Variants in S100Z observed in about 807,000 individuals in gnomAD.
S100Z encodes protein S100-Z.
In S100Z, 11 loss-of-function variants were observed where a neutral mutation model predicts 8.5. That is an observed-to-expected ratio of 1.30 (90% confidence interval 0.82 to 2.15). The LOEUF (loss-of-function observed/expected upper bound fraction) is 2.15. Ranked by LOEUF, S100Z falls within the 30% of genes most tolerant of loss-of-function variation. S100Z has a pLI of 0.00. For synonymous variants in S100Z, 34 were observed against 43.8 expected (o/e 0.78, Z 0.89); for missense variants, 126 against 117.9 (o/e 1.07, Z -0.32).
chr5:76,938,756 A>G, the S100Z span, among the ~76,000 whole-genome samples: 1 of 152,126 alleles, frequency 6.6e-6, no homozygotes, highest in Non-Finnish European at 1.5e-5. Flanking sequence ...ATTTTTATGT[A>G]TGGTGTGAAG....
chr5:76,916,539 A>G (rs1370522033), intron 4 of S100Z, among the ~76,000 whole-genome samples: 1 of 152,012 alleles, frequency 6.6e-6, no homozygotes, highest in Non-Finnish European at 1.5e-5. Flanking sequence ...GGCCAAAAAA[A>G]AAAAAAAAAA....
At chr5:76,863,148 T>TA (rs1751114841) in intron 1 of S100Z, among the ~76,000 whole-genome samples, 1 of 152,172 alleles carries the variant, frequency 6.6e-6, no homozygotes, top group Non-Finnish European at 1.5e-5. Flanking sequence ...TGGGGTGAAT[T>TA]ATCTAAACCT....
At chr5:76,863,391 A>G (rs546897573) in intron 1 of S100Z, among the ~76,000 whole-genome samples, 1 of 152,356 alleles carries the variant, frequency 6.6e-6, no homozygotes, top group Non-Finnish European at 1.5e-5. Context: ...ATTTAGCCCA[A>G]GGTTGTCATT....
At chr5:76,857,056 G>A (rs562883549) in intron 1 of S100Z, among the ~76,000 whole-genome samples, 1 of 152,276 alleles carries the variant, frequency 6.6e-6, no homozygotes, top group East Asian at 1.9e-4. Context: ...CACTTTGGGA[G>A]GCCAAGGCAG....
the S100Z span, among the ~76,000 whole-genome samples, chr5:76,944,794 G>A: frequency 2.0e-5 from 3 of 152,292 alleles, no homozygotes; most frequent in African/African-American, 7.2e-5. Flanking sequence ...CTGATGTTAC[G>A]TGCCCATGCG....
chr5:76,926,922 C>T, the S100Z span, among the ~76,000 whole-genome samples: 92,354 of 152,030 alleles, frequency 0.61, 28,571 homozygotes, highest in Non-Finnish European at 0.65. Flanking sequence ...TTCCTGTCTT[C>T]AATTTCCTTC....
the S100Z span, among the ~76,000 whole-genome samples, chr5:76,938,093 CAAAAAACAAAAAATAAACA>C: frequency 3.3e-4 from 30 of 91,808 alleles, no homozygotes; most frequent in South Asian, 0.018. Context: ...GACTCTGTCT[CAAAAAACAAAAAATAAACA>C]AAAAAACAAA....
intron 1 of S100Z, among the ~76,000 whole-genome samples, chr5:76,864,357 C>G (rs1384332082): frequency 6.9e-6 from 1 of 144,716 alleles, no homozygotes; most frequent in Non-Finnish European, 1.5e-5. Context: ...TGATAATAAA[C>G]AGCTATGTTA....
intron 4 of S100Z, among the ~76,000 whole-genome samples, chr5:76,914,163 G>A (rs757332706): frequency 6.6e-6 from 1 of 152,018 alleles, no homozygotes; most frequent in Non-Finnish European, 1.5e-5. Flanking sequence ...TACAACTGCA[G>A]GGCTCCTTCT....
chr5:76,869,551 G>A (rs146075369), intron 1 of S100Z, among the ~76,000 whole-genome samples: 21 of 152,202 alleles, frequency 1.4e-4, no homozygotes, highest in African/African-American at 4.8e-4. Context: ...AGGAGCGTGG[G>A]TGTTGATTTG....
chr5:76,938,295 G>A, the S100Z span, among the ~76,000 whole-genome samples: 1 of 152,174 alleles, frequency 6.6e-6, no homozygotes, highest in African/African-American at 2.4e-5. Flanking sequence ...GTAGGTAAGA[G>A]AATTTCTTTA....
intron 1 of S100Z, among the ~76,000 whole-genome samples, chr5:76,856,512 C>T (rs1293694474): frequency 6.6e-6 from 1 of 152,214 alleles, no homozygotes; most frequent in African/African-American, 2.4e-5. Flanking sequence ...ACCTTCTTTT[C>T]TTACAAATTA....
intron 1 of S100Z, among the ~76,000 whole-genome samples, chr5:76,857,458 G>C (rs1381470929): frequency 6.6e-6 from 1 of 151,212 alleles, no homozygotes; most frequent in Non-Finnish European, 1.5e-5. Flanking sequence ...TGTCAGAACT[G>C]TCTTGGGTAG....
At chr5:76,877,619 A>G (rs1743242987) in intron 3 of S100Z, 55 bp from the exon 4 acceptor site, 6 of 1,025,436 alleles carry the variant, frequency 5.9e-6, no homozygotes, top group African/African-American at 4.8e-5. Context: ...ATGAATTTCA[A>G]TTGTCATCAT....
At chr5:76,852,117 G>A (rs1750747527) in intron 1 of S100Z, among the ~76,000 whole-genome samples, 1 of 151,836 alleles carries the variant, frequency 6.6e-6, no homozygotes, top group South Asian at 2.1e-4. Flanking sequence ...TGGCAACGAT[G>A]ATCTGGGTCT....
intron 1 of S100Z, among the ~76,000 whole-genome samples, chr5:76,861,098 G>T (rs191378770): frequency 6.6e-6 from 1 of 152,262 alleles, no homozygotes; most frequent in Admixed American, 6.5e-5. Flanking sequence ...GAGTTGTTTG[G>T]TTATGGCTCT....
At chr5:76,866,425 T>C (rs924770748) in intron 1 of S100Z, among the ~76,000 whole-genome samples, 1 of 152,166 alleles carries the variant, frequency 6.6e-6, no homozygotes, top group Non-Finnish European at 1.5e-5. Flanking sequence ...AGCCTAACTG[T>C]ACAATGTTTA....
chr5:76,946,219 T>C, the S100Z span, among the ~76,000 whole-genome samples: 1 of 152,218 alleles, frequency 6.6e-6, no homozygotes, highest in African/African-American at 2.4e-5. Flanking sequence ...TTTCCTCCCA[T>C]TATTACTCTT....
chr5:76,885,892 G>T (rs553346557), intron 4 of S100Z, among the ~76,000 whole-genome samples: 10 of 146,828 alleles, frequency 6.8e-5, no homozygotes, highest in African/African-American at 2.3e-4. Context: ...AAAAGAGAGA[G>T]TAGAGGCATG....
Sources: allele counts gnomAD v4.1 joint callset (sites outside exome capture counted in the v4.1 genomes callset), GRCh38; gene constraint gnomAD v4.1.1; transcripts MANE v1.5; gene names NCBI Gene and HGNC (gene_info 2026-07-23, HGNC 2026-07-21).